SGCZ: variants seen among roughly 807,000 people sequenced by gnomAD.
The protein encoded by SGCZ is sarcoglycan zeta.
A neutral mutation model predicts 41.3 loss-of-function variants in SGCZ; 40 were observed. The observed-to-expected ratio is 0.97, with a 90% CI of 0.75 to 1.26. SGCZ has a LOEUF of 1.26. Among genes scored for constraint, SGCZ ranks in the 50% most tolerant of loss-of-function variants. SGCZ has a pLI of 0.00. For synonymous variants in SGCZ, 206 were observed against 137.5 expected, an observed-to-expected ratio of 1.50 and a Z score of -3.49; for missense variants, 552 against 369.8, an observed-to-expected ratio of 1.49 and a Z score of -4.04.
intron 2 of SGCZ, among the ~76,000 whole-genome samples, chr8:14,361,594 G>C (rs1301629425): frequency 6.6e-6 from 1 of 152,082 alleles, no homozygotes; most frequent in Admixed American, 6.5e-5. Context: ...GCTTTTTTAA[G>C]GTTTTTAGCT....
chr8:14,993,570 C>T (rs759464488), intron 1 of SGCZ, among the ~76,000 whole-genome samples: 9 of 152,138 alleles, frequency 5.9e-5, no homozygotes, highest in Non-Finnish European at 1.3e-4. Context: ...GATACATACT[C>T]AAAATGTGAT....
intron 1 of SGCZ, among the ~76,000 whole-genome samples, chr8:15,184,648 G>C (rs1355128144): frequency 6.6e-6 from 1 of 152,146 alleles, no homozygotes; most frequent in Non-Finnish European, 1.5e-5. Flanking sequence ...TGAGGGAAGA[G>C]AGAGCAGGCG....
intron 3 of SGCZ, among the ~76,000 whole-genome samples, chr8:14,251,003 G>GATCACCTGAGGTCAGGTGGAGA (rs1799263730): frequency 1.3e-5 from 2 of 151,776 alleles, no homozygotes; most frequent in African/African-American, 4.8e-5. Context: ...TGAGGTGGAG[G>GATCACCTGAGGTCAGGTGGAGA]GATCACCTGA....
At position 14,627,690 on chromosome 8, in the gene SGCZ, C is replaced by T. The variant is rs6981707; in HGVS notation, c.40-72764G>A. On this transcript the variant is annotated intron_variant, in intron 1 of 7. Transcript: ENST00000382080. ...TCTGAATGATTGTCCTTGGATTAGG[C>T]GCATCATACACCCAGCTGATCTGTA... Among the ~76,000 whole-genome samples the T allele has an allele frequency of 5.4e-3, 825 of 152,028 alleles. 7 individuals carry two copies. Among genetic ancestry groups the T allele is most frequent in the African/African-American group, 0.015 (635 of 41,508 alleles).
intron 1 of SGCZ, among the ~76,000 whole-genome samples, chr8:15,179,026 AG>A (rs1486143166): frequency 6.6e-5 from 10 of 152,204 alleles, no homozygotes; most frequent in Non-Finnish European, 1.5e-4. Context: ...ACTCTCATGT[AG>A]TAGACTAAAA....
chr8:14,685,304 G>C (rs1225884382), intron 1 of SGCZ, among the ~76,000 whole-genome samples: 1 of 152,010 alleles, frequency 6.6e-6, no homozygotes, highest in East Asian at 1.9e-4. Context: ...TCCAATTACA[G>C]AGTAAAAAAG....
intron 1 of SGCZ, among the ~76,000 whole-genome samples, chr8:15,155,957 C>A (rs1314101662): frequency 6.7e-6 from 1 of 150,128 alleles, no homozygotes; most frequent in South Asian, 2.1e-4. Flanking sequence ...ACTCGAGAGG[C>A]CGAAGCAGGA....
At chr8:14,880,930 T>A (rs548419708) in intron 1 of SGCZ, among the ~76,000 whole-genome samples, 66 of 151,744 alleles carry the variant, frequency 4.3e-4, no homozygotes, top group African/African-American at 1.6e-3. Context: ...GTTGTGCACA[T>A]GTACCCTAAA....
intron 6 of SGCZ, 111 bp from the exon 7 acceptor site, chr8:14,102,610 C>CCAGA: frequency 9.9e-7 from 1 of 1,011,430 alleles, no homozygotes; most frequent in Non-Finnish European, 1.3e-6. Flanking sequence ...AAAACAACAA[C>CCAGA]CAGACAGACA....
chr8:14,750,455 G>C (rs1799464214), intron 1 of SGCZ, among the ~76,000 whole-genome samples: 1 of 152,062 alleles, frequency 6.6e-6, no homozygotes, highest in East Asian at 1.9e-4. Context: ...TGCCTTAATA[G>C]GTAGAAAAAT....
intron 1 of SGCZ, among the ~76,000 whole-genome samples, chr8:15,097,749 T>TACAC (rs1563123634): frequency 1.1e-5 from 1 of 88,776 alleles, no homozygotes; most frequent in Non-Finnish European, 2.5e-5. Flanking sequence ...TATATATATA[T>TACAC]ACACGTATAT....
chr8:14,875,998 G>A (rs539377314), intron 1 of SGCZ, among the ~76,000 whole-genome samples: 1 of 152,198 alleles, frequency 6.6e-6, no homozygotes, highest in South Asian at 2.1e-4. Flanking sequence ...CAAACCATTT[G>A]GGAACTCTGG....
chr8:14,552,571 C>A (rs754252453), intron 2 of SGCZ, among the ~76,000 whole-genome samples: 9 of 152,002 alleles, frequency 5.9e-5, no homozygotes, highest in Non-Finnish European at 1.0e-4. Flanking sequence ...GGAAACAACC[C>A]CCTTTTAATT....
rs184602573 is a variant in SGCZ at position 14,755,453 on chromosome 8, A to T, written c.40-200527T>A. Among the ~76,000 whole-genome samples the T allele has an allele frequency of 3.0e-3, 456 of 151,826 alleles. 2 individuals are homozygous for T. The highest frequency in any genetic ancestry group is 0.011 in the African/African-American group (435 of 41,372). On this transcript the variant is annotated intron_variant, in intron 1 of 7. Coordinates refer to ENST00000382080, the MANE Select transcript of SGCZ (RefSeq NM_139167.4). ...CTGGTTTTTCATAAAACGCGGGAAAACTCCCTTGTCTACTCACGATAAGGA... is the reference window on the plus strand; with the variant it reads ...CTGGTTTTTCATAAAACGCGGGAAATCTCCCTTGTCTACTCACGATAAGGA...
chr8:14,173,558 C>CT (rs987044525), intron 4 of SGCZ, among the ~76,000 whole-genome samples: 2 of 152,046 alleles, frequency 1.3e-5, no homozygotes, highest in Non-Finnish European at 2.9e-5. Context: ...TGTATAACAA[C>CT]TCTCCAAATG....
At chr8:14,161,475 G>A (rs1419244995) in intron 5 of SGCZ, 6 of 152,030 alleles carry the variant, frequency 3.9e-5, no homozygotes, top group African/African-American at 1.4e-4. Flanking sequence ...TGGATAGTGA[G>A]GACAGTTCTA....
intron 2 of SGCZ, among the ~76,000 whole-genome samples, chr8:14,529,872 T>C (rs997023463): frequency 6.6e-6 from 1 of 152,208 alleles, no homozygotes; most frequent in African/African-American, 2.4e-5. Flanking sequence ...GTGCATTTGT[T>C]GAAACACATT....
chr8:14,578,666 G>T (rs371113877), intron 1 of SGCZ, among the ~76,000 whole-genome samples: 2 of 152,044 alleles, frequency 1.3e-5, no homozygotes, highest in South Asian at 2.1e-4. Context: ...CAGAAAATTC[G>T]GTGATGAATA....
At chr8:15,031,007 A>G (rs1803640315) in intron 1 of SGCZ, among the ~76,000 whole-genome samples, 1 of 152,146 alleles carries the variant, frequency 6.6e-6, no homozygotes, top group Non-Finnish European at 1.5e-5. Flanking sequence ...ATTATCCAGG[A>G]AATAAATCCG....
Sources: allele counts gnomAD v4.1 joint callset (sites outside exome capture counted in the v4.1 genomes callset), GRCh38; gene constraint gnomAD v4.1.1; transcripts MANE v1.5; gene names NCBI Gene and HGNC (gene_info 2026-07-23, HGNC 2026-07-21).